The following KANSL1 variants were observed in gnomAD, a reference collection of about 807,000 sequenced individuals.
KANSL1 encodes the protein KAT8 regulatory NSL complex subunit 1, also known as MLL1/MLL complex subunit KANSL1.
In KANSL1, 22 loss-of-function variants were observed where a neutral mutation model predicts 103.6. The ratio of observed to expected loss-of-function variants is 0.21; its 90% CI spans 0.15 to 0.30. The LOEUF is 0.30. Among genes scored for constraint, KANSL1 ranks in the 10% least tolerant of loss-of-function variants. The probability of loss-of-function intolerance (pLI) is 1.00; values close to 1 mark genes in which losing one functional copy is unlikely to be tolerated. For synonymous variants in KANSL1, 600 were observed against 527.6 expected (o/e 1.14, Z -1.88); for missense variants, 1,337 against 1,399.8 (o/e 0.96, Z 0.72).
intron 7 of KANSL1, chr17:46,043,298 T>C (rs1215136632): frequency 6.8e-6 from 1 of 147,788 alleles, no homozygotes; most frequent in Non-Finnish European, 1.5e-5. Context: ...AATCTGAAAA[T>C]GAAGCCAGGA....
intron 6 of KANSL1, among the ~76,000 whole-genome samples, chr17:46,060,428 T>C (rs1445868726): frequency 6.6e-6 from 1 of 152,198 alleles, no homozygotes; most frequent in Non-Finnish European, 1.5e-5. Flanking sequence ...AAAATTTATT[T>C]TGTATGTGTT....
intron 2 of KANSL1, among the ~76,000 whole-genome samples, chr17:46,113,415 T>C (rs2042907814): frequency 6.6e-6 from 1 of 152,100 alleles, no homozygotes; most frequent in South Asian, 2.1e-4. Context: ...ATTTAAAAAA[T>C]AATGGAAAAG....
chr17:46,209,008 TA>T (rs1455998015), intron 1 of KANSL1, among the ~76,000 whole-genome samples: 5 of 150,706 alleles, frequency 3.3e-5, no homozygotes, highest in Admixed American at 6.6e-5. Flanking sequence ...CTATCTCAAC[TA>T]AAAAAAAACC....
At chr17:46,117,235 C>T (rs1256435122) in intron 2 of KANSL1, among the ~76,000 whole-genome samples, 7 of 152,158 alleles carry the variant, frequency 4.6e-5, no homozygotes, top group African/African-American at 1.4e-4. Context: ...ATATTATAAC[C>T]CTGAGAATTC....
At chr17:46,066,762 G>A in intron 5 of KANSL1, 30 bp from the exon 6 acceptor site, 1 of 1,518,592 alleles carries the variant, frequency 6.6e-7, no homozygotes, top group Non-Finnish European at 9.0e-7. Flanking sequence ...AGTATTCTCA[G>A]AACACACAAA....
upstream of KANSL1, among the ~76,000 whole-genome samples, chr17:46,194,146 G>C (rs62060951): frequency 0.11 from 16,776 of 149,578 alleles, no homozygotes; most frequent in Non-Finnish European, 0.17. Flanking sequence ...AGCCAGAGGG[G>C]AAGTGATGGC....
intron 2 of KANSL1, among the ~76,000 whole-genome samples, chr17:46,099,591 A>G (rs1349891698): frequency 1.3e-5 from 2 of 152,222 alleles, no homozygotes; most frequent in African/African-American, 4.8e-5. Context: ...GTCATTATCA[A>G]TAATGAAGAA....
chr17:46,170,616 T>C, intron 2 of KANSL1: 1 of 507,970 alleles, frequency 2.0e-6, no homozygotes, highest in Non-Finnish European at 3.4e-6. Context: ...GTTATTTTTC[T>C]TAGACTTCAA....
chr17:46,180,950 G>C (rs1263639326), intron 1 of KANSL1, among the ~76,000 whole-genome samples: 2 of 152,182 alleles, frequency 1.3e-5, no homozygotes, highest in Non-Finnish European at 2.9e-5. Context: ...TGAAACATCA[G>C]ACTGTGCTTT....
chr17:46,172,312 G>T, intron 1 of KANSL1, 80 bp from the exon 2 acceptor site: 1 of 728,704 alleles, frequency 1.4e-6, no homozygotes, highest in Non-Finnish European at 2.2e-6. Context: ...AGCACTACTT[G>T]AGGCTGTTGT....
chr17:46,213,284 G>GTTT (rs1394281862), intron 1 of KANSL1, among the ~76,000 whole-genome samples: 1 of 151,032 alleles, frequency 6.6e-6, no homozygotes, highest in African/African-American at 2.4e-5. Context: ...CGTTTTATTT[G>GTTT]TTTTTTGTTG....
intron 2 of KANSL1, among the ~76,000 whole-genome samples, chr17:46,149,507 A>C (rs2044953118): frequency 6.6e-6 from 1 of 152,268 alleles, no homozygotes; most frequent in Admixed American, 6.5e-5. Flanking sequence ...TCTCAACTAC[A>C]CAACTCTTGC....
chr17:46,039,964 T>C (rs1383830952), intron 7 of KANSL1, 80 bp from the exon 8 acceptor site: 5 of 1,346,042 alleles, frequency 3.7e-6, no homozygotes, highest in East Asian at 4.6e-5. Context: ...CCATCCTCCT[T>C]TAATTTGCCC....
chr17:46,146,177 A>G (rs1214770659), intron 2 of KANSL1, among the ~76,000 whole-genome samples: 1 of 152,256 alleles, frequency 6.6e-6, no homozygotes, highest in Non-Finnish European at 1.5e-5. Flanking sequence ...AAGCACTAAA[A>G]TAAATGCATC....
At chr17:46,117,015 T>A (rs17577447) in intron 2 of KANSL1, among the ~76,000 whole-genome samples, 21,671 of 151,988 alleles carry the variant, frequency 0.14, 2,124 homozygotes, top group Non-Finnish European at 0.22. Flanking sequence ...AAAAAAATTT[T>A]TATGAGGGAA....
At chr17:46,081,357 C>T (rs1432360903) in intron 4 of KANSL1, among the ~76,000 whole-genome samples, 2 of 152,078 alleles carry the variant, frequency 1.3e-5, no homozygotes, top group Admixed American at 1.3e-4. Context: ...CTGATTAGAC[C>T]ATTCACTAAA....
chr17:46,189,363 T>C (rs1214200247), intron 1 of KANSL1, among the ~76,000 whole-genome samples: 3 of 152,186 alleles, frequency 2.0e-5, no homozygotes, highest in South Asian at 2.1e-4. Flanking sequence ...AGGTCCTTTG[T>C]TGGGGGGTGG....
At chr17:46,117,487 A>AAGGTCTGTTAAATAGATATTAGTG in intron 2 of KANSL1, among the ~76,000 whole-genome samples, 1 of 152,370 alleles carries the variant, frequency 6.6e-6, no homozygotes, top group African/African-American at 2.4e-5. Context: ...GCATTCAATA[A>AAGGTCTGTTAAATAGATATTAGTG]AGGTCTGTTA....
intron 6 of KANSL1, among the ~76,000 whole-genome samples, chr17:46,057,595 G>A (rs1353242366): frequency 6.6e-6 from 1 of 151,958 alleles, no homozygotes; most frequent in Non-Finnish European, 1.5e-5. Context: ...CAAGCATAAG[G>A]CGGCCACCTT....
Sources: allele counts gnomAD v4.1 joint callset (sites outside exome capture counted in the v4.1 genomes callset), GRCh38; gene constraint gnomAD v4.1.1; transcripts MANE v1.5; gene names NCBI Gene and HGNC (gene_info 2026-07-23, HGNC 2026-07-21).